The following VPS13B variants were observed in gnomAD, a reference collection of about 807,000 sequenced individuals.
The protein encoded by VPS13B is vacuolar protein sorting 13 homolog B.
A neutral mutation model predicts 426.4 loss-of-function variants in VPS13B; 285 were observed. The ratio of observed to expected loss-of-function variants is 0.67; its 90% confidence interval spans 0.61 to 0.74. The LOEUF is 0.74. VPS13B is among the 30% of genes least tolerant of loss of function. The probability of loss-of-function intolerance (pLI) is 0.00; values close to 1 mark genes in which losing one functional copy is unlikely to be tolerated. For missense variants in VPS13B, 4,537 were observed against 4,782.6 expected, an observed-to-expected ratio of 0.95 and a Z score of 1.51; for synonymous variants, 1,676 against 1,676.4, an observed-to-expected ratio of 1.00 and a Z score of 0.01.
chr8:99,251,562 A>G (rs1817513031), intron 17 of VPS13B, among the ~76,000 whole-genome samples: 1 of 152,152 alleles, frequency 6.6e-6, no homozygotes, highest in Admixed American at 6.5e-5. Flanking sequence ...ACACAATAAC[A>G]CATCGCTGAA....
chr8:99,121,109 A>G, intron 7 of VPS13B, 68 bp from the exon 8 acceptor site: 3 of 1,478,486 alleles, frequency 2.0e-6, no homozygotes, highest in Non-Finnish European at 2.7e-6. Context: ...ATTTTAAAGG[A>G]TGTCTATTTC....
intron 4 of VPS13B, among the ~76,000 whole-genome samples, chr8:99,099,403 C>T (rs1846608847): frequency 6.6e-6 from 1 of 152,162 alleles, no homozygotes; most frequent in African/African-American, 2.4e-5. Flanking sequence ...TCAACCGTGG[C>T]ATTTCTGATT....
intron 33 of VPS13B, among the ~76,000 whole-genome samples, chr8:99,605,554 A>C (rs894853433): frequency 6.6e-6 from 1 of 152,214 alleles, no homozygotes; most frequent in African/African-American, 2.4e-5. Flanking sequence ...TTAGTTCTAA[A>C]ATATTTTCTG....
chr8:99,696,622 G>A, intron 35 of VPS13B: 7 of 665,900 alleles, frequency 1.1e-5, no homozygotes, highest in Admixed American at 2.0e-5. Flanking sequence ...AAGGAGCTTC[G>A]GGTCAACCTG....
chr8:99,559,296 C>T (rs932876767), intron 31 of VPS13B, among the ~76,000 whole-genome samples: 1 of 152,162 alleles, frequency 6.6e-6, no homozygotes, highest in African/African-American at 2.4e-5. Flanking sequence ...TTTGTAGATT[C>T]TGGATATTAG....
At chr8:99,804,041 GATC>G (rs539893404) in intron 43 of VPS13B, 29 of 152,302 alleles carry the variant, frequency 1.9e-4, no homozygotes, top group African/African-American at 7.0e-4. Context: ...TGTGTTGAAA[GATC>G]ATTCAAAATA....
intron 19 of VPS13B, among the ~76,000 whole-genome samples, chr8:99,328,008 T>C (rs1810367962): frequency 6.6e-6 from 1 of 152,182 alleles, no homozygotes; most frequent in Non-Finnish European, 1.5e-5. Context: ...CTGTTGGCCA[T>C]AGGCCAAAAT....
At chr8:99,205,340 A>G (rs1252447058) in intron 17 of VPS13B, among the ~76,000 whole-genome samples, 1 of 151,908 alleles carries the variant, frequency 6.6e-6, no homozygotes, top group Non-Finnish European at 1.5e-5. Context: ...AACATCACAC[A>G]CTGGGGCCTG....
chr8:99,326,208 C>G (rs1159233013), intron 19 of VPS13B, among the ~76,000 whole-genome samples: 5 of 151,830 alleles, frequency 3.3e-5, no homozygotes, highest in South Asian at 2.1e-4. Context: ...GATGAGGAAC[C>G]CTGCTTGAAA....
chr8:99,143,927 G>T (rs1204628137), intron 13 of VPS13B, among the ~76,000 whole-genome samples: 1 of 152,102 alleles, frequency 6.6e-6, no homozygotes, highest in East Asian at 1.9e-4. Context: ...ATATGACTAG[G>T]TTCTGTCTAC....
intron 29 of VPS13B, among the ~76,000 whole-genome samples, chr8:99,512,488 G>A (rs1383847038): frequency 1.3e-5 from 2 of 152,210 alleles, no homozygotes; most frequent in Non-Finnish European, 2.9e-5. Context: ...AGAAATCTAC[G>A]TTTTTATACA....
At chr8:99,303,056 G>A (rs1007666370) in intron 19 of VPS13B, among the ~76,000 whole-genome samples, 6 of 151,696 alleles carry the variant, frequency 4.0e-5, no homozygotes, top group Non-Finnish European at 8.8e-5. Flanking sequence ...CAAGGCGGGC[G>A]GATCATGAGG....
chr8:99,586,122 G>A (rs16897485), intron 33 of VPS13B, among the ~76,000 whole-genome samples: 3,143 of 152,244 alleles, frequency 0.021, 118 homozygotes, highest in African/African-American at 0.072. Flanking sequence ...ACGGGAGAGG[G>A]TATAAGCTTG....
intron 19 of VPS13B, among the ~76,000 whole-genome samples, chr8:99,298,607 TGTAA>T (rs1322094139): frequency 1.1e-4 from 16 of 152,194 alleles, no homozygotes; most frequent in Non-Finnish European, 2.2e-4. Flanking sequence ...CTCAATGACA[TGTAA>T]GTATTTTTTC....
At chr8:99,512,063 G>A (rs1024758460) in intron 29 of VPS13B, among the ~76,000 whole-genome samples, 4 of 152,100 alleles carry the variant, frequency 2.6e-5, no homozygotes, top group Admixed American at 6.6e-5. Flanking sequence ...ATTTGTATAC[G>A]AACCTTATAG....
At chr8:99,590,186 A>T (rs978971923) in intron 33 of VPS13B, among the ~76,000 whole-genome samples, 2 of 151,504 alleles carry the variant, frequency 1.3e-5, no homozygotes, top group Admixed American at 6.6e-5. Flanking sequence ...TGGTGATATC[A>T]CCTTTATCAT....
intron 21 of VPS13B, among the ~76,000 whole-genome samples, chr8:99,397,602 G>A (rs1254421590): frequency 6.6e-6 from 1 of 152,108 alleles, no homozygotes; most frequent in African/African-American, 2.4e-5. Context: ...ATCCAATTTT[G>A]TCTCTCATTA....
chr8:99,289,186 A>G (rs1019192934), intron 19 of VPS13B, among the ~76,000 whole-genome samples: 1 of 152,146 alleles, frequency 6.6e-6, no homozygotes, highest in Non-Finnish European at 1.5e-5. Context: ...CAAATTCTTA[A>G]TGGAAACTAA....
intron 11 of VPS13B, among the ~76,000 whole-genome samples, 187 bp from the exon 12 acceptor site, chr8:99,136,478 G>A (rs1006851359): frequency 2.1e-4 from 32 of 151,970 alleles, no homozygotes; most frequent in African/African-American, 7.0e-4. Context: ...TGTCTTTTTT[G>A]TGTGGTCTGT....
Sources: gnomAD v4.1 joint callset for allele counts (sites outside exome capture counted in the v4.1 genomes callset) on GRCh38, gnomAD v4.1.1 for gene constraint, MANE v1.5 for transcripts, NCBI Gene and HGNC (gene_info 2026-07-23, HGNC 2026-07-21) for gene names.